SPON1: variants seen among roughly 807,000 people sequenced by gnomAD.
SPON1 encodes the protein spondin-1.
Under a neutral mutation model 111.7 loss-of-function variants are expected in SPON1, and 52 were observed. The observed-to-expected ratio is 0.47, with a 90% confidence interval of 0.37 to 0.59. The LOEUF (loss-of-function observed/expected upper bound fraction) is 0.59, where lower values mean the gene tolerates loss of function less well. Ranked by LOEUF, SPON1 falls within the 20% of genes least tolerant of loss-of-function variation. The probability of loss-of-function intolerance (pLI) is 0.00; values close to 1 mark genes in which losing one functional copy is unlikely to be tolerated. For missense variants in SPON1, 957 were observed against 1,068.5 expected (o/e 0.90, Z 1.46); for synonymous variants, 410 against 395.8 (o/e 1.04, Z -0.43).
chr11:13,974,977 G>A (rs1164258623), intron 1 of SPON1, among the ~76,000 whole-genome samples: 1 of 152,182 alleles, frequency 6.6e-6, no homozygotes, highest in Non-Finnish European at 1.5e-5. Flanking sequence ...ATGGGATGCT[G>A]TTGATTCCCT....
chr11:14,234,328 G>C (rs1848838562), intron 6 of SPON1, among the ~76,000 whole-genome samples: 1 of 152,154 alleles, frequency 6.6e-6, no homozygotes, highest in Non-Finnish European at 1.5e-5. Context: ...TTGGCACTAA[G>C]GTTTTTCTGA....
intron 2 of SPON1, among the ~76,000 whole-genome samples, chr11:14,010,081 C>A (rs782351048): frequency 1.3e-5 from 2 of 152,078 alleles, no homozygotes; most frequent in Non-Finnish European, 2.9e-5. Flanking sequence ...ACTGCAGGAA[C>A]AAATGAAGGG....
chr11:14,170,233 A>T (rs1848080807), intron 6 of SPON1, among the ~76,000 whole-genome samples: 1 of 152,090 alleles, frequency 6.6e-6, no homozygotes, highest in African/African-American at 2.4e-5. Context: ...TTGGATTCCT[A>T]GGTATTTTCT....
chr11:14,135,579 A>G lies in SPON1; in HGVS notation c.825+11A>G. 2 of 1,611,280 alleles carry G rather than the reference A, an allele frequency of 1.2e-6. No individual in the cohort carries two copies. Among genetic ancestry groups the G allele is most frequent in the South Asian group, 2.2e-5 (2 of 90,928 alleles). ...GAAATTCGACAACAGGTAAGACAAA[A>G]AAATCACAGAATGACCAAATAACAG... On this transcript the variant is annotated intron_variant, in intron 6 of 15. Coordinates refer to ENST00000576479, the MANE Select transcript of SPON1 (RefSeq NM_006108.4). The surrounding 1 kb of genome is among the most constrained non-coding windows in gnomAD (Gnocchi z 4.4).
chr11:14,128,727 C>A (rs1847492400), intron 5 of SPON1, among the ~76,000 whole-genome samples: 1 of 152,234 alleles, frequency 6.6e-6, no homozygotes, highest in Non-Finnish European at 1.5e-5. Context: ...ACTAGAGGTT[C>A]TCCATGAGGG....
At chr11:14,134,580 C>T (rs1360251138) in intron 5 of SPON1, among the ~76,000 whole-genome samples, 1 of 152,198 alleles carries the variant, frequency 6.6e-6, no homozygotes, top group Non-Finnish European at 1.5e-5. Context: ...AACCTGCCTG[C>T]CCCTTGTACT....
intron 2 of SPON1, among the ~76,000 whole-genome samples, chr11:13,984,310 C>A: frequency 6.6e-6 from 1 of 152,108 alleles, no homozygotes; most frequent in East Asian, 1.9e-4. Flanking sequence ...TTGCTTATTG[C>A]TTGTTTTAGT....
At chr11:14,254,352 G>A (rs1220381938) in intron 7 of SPON1, among the ~76,000 whole-genome samples, 176 bp from the exon 8 acceptor site, 1 of 152,200 alleles carries the variant, frequency 6.6e-6, no homozygotes, top group Non-Finnish European at 1.5e-5. Flanking sequence ...TTCAATGGAT[G>A]GGCTCAGGAC....
intron 5 of SPON1, among the ~76,000 whole-genome samples, chr11:14,096,403 C>G (rs1228201515): frequency 6.6e-6 from 1 of 152,202 alleles, no homozygotes; most frequent in Non-Finnish European, 1.5e-5. Context: ...GGATTTCATT[C>G]TCACCCCCAG....
chr11:14,152,068 T>A (rs2133868827), intron 6 of SPON1, among the ~76,000 whole-genome samples: 1 of 152,326 alleles, frequency 6.6e-6, no homozygotes, highest in South Asian at 2.1e-4. Context: ...GTATTATGGG[T>A]GTCTGCTCCT....
rs980834367 is a variant in SPON1, at chr11:13,964,649, C to T, written c.238+1507C>T. Among the ~76,000 whole-genome samples, 6 of 152,286 alleles carry T rather than the reference C, an allele frequency of 3.9e-5. No individual in the cohort carries two copies. The South Asian group carries it at 1.2e-3, about 32-fold the overall frequency. ...GCTCCGCGGGATCCTGGGTACTCCA[C>T]GAAGAAAGATTCTGGGCGGAGAACA... is the stretch of plus-strand genomic sequence containing the variant. On this transcript the variant is annotated intron_variant, in intron 1 of 15. Coordinates refer to ENST00000576479, the MANE Select transcript of SPON1 (RefSeq NM_006108.4).
chr11:14,074,815 G>A (rs1489287790), intron 3 of SPON1, among the ~76,000 whole-genome samples: 2 of 152,216 alleles, frequency 1.3e-5, no homozygotes, highest in Non-Finnish European at 2.9e-5. Flanking sequence ...TATAACAGCT[G>A]AAGTTGTCTT....
intron 2 of SPON1, among the ~76,000 whole-genome samples, chr11:13,983,844 A>G (rs2133782051): frequency 6.6e-6 from 1 of 152,338 alleles, no homozygotes; most frequent in South Asian, 2.1e-4. Flanking sequence ...ACTTATACCC[A>G]TAGCTGGCTG....
At chr11:14,036,080 G>A (rs1554916600) in intron 2 of SPON1, among the ~76,000 whole-genome samples, 2 of 152,232 alleles carry the variant, frequency 1.3e-5, no homozygotes. Flanking sequence ...GAAGCAAGGA[G>A]GGAGATGGCA....
At chr11:14,012,608 C>T (rs1195336871) in intron 2 of SPON1, among the ~76,000 whole-genome samples, 1 of 152,172 alleles carries the variant, frequency 6.6e-6, no homozygotes, top group Non-Finnish European at 1.5e-5. Flanking sequence ...AAAACAGACT[C>T]GTCTTTCAAG....
At chr11:14,176,727 G>C (rs1848180845) in intron 6 of SPON1, among the ~76,000 whole-genome samples, 2 of 152,172 alleles carry the variant, frequency 1.3e-5, no homozygotes, top group Admixed American at 1.3e-4. Flanking sequence ...CACCAGTAGA[G>C]AGAGTACCAG....
intron 6 of SPON1, among the ~76,000 whole-genome samples, chr11:14,201,599 T>C (rs1219538847): frequency 2.0e-5 from 3 of 151,972 alleles, no homozygotes; most frequent in Non-Finnish European, 2.9e-5. Flanking sequence ...GGTCTCACTA[T>C]GTTGCCTGGT....
chr11:14,024,981 C>G (rs76165194), intron 2 of SPON1, among the ~76,000 whole-genome samples: 1,691 of 152,280 alleles, frequency 0.011, 31 homozygotes, highest in African/African-American at 0.039. Flanking sequence ...GGAAACTGAT[C>G]TCTAGAGAGA....
At chr11:14,088,972 C>T (rs1012376493) in intron 5 of SPON1, among the ~76,000 whole-genome samples, 3 of 151,834 alleles carry the variant, frequency 2.0e-5, no homozygotes, top group Non-Finnish European at 4.4e-5. Context: ...TGTTTTTCAG[C>T]TCCATCAGGT....
Sources: allele counts gnomAD v4.1 joint callset (sites outside exome capture counted in the v4.1 genomes callset), GRCh38; gene constraint gnomAD v4.1.1; non-coding constraint Gnocchi (gnomAD v3.1); transcripts MANE v1.5; gene names NCBI Gene and HGNC (gene_info 2026-07-23, HGNC 2026-07-21).